CSMD1: variants seen among roughly 807,000 people sequenced by gnomAD.
CSMD1 encodes the protein CUB and Sushi multiple domains 1.
CSMD1 carries 213 observed loss-of-function variants against 417.5 expected under a neutral mutation model. That is an observed-to-expected ratio of 0.51 (90% CI 0.46 to 0.57). The LOEUF is 0.57. CSMD1 is among the 20% of genes least tolerant of loss of function. The probability of loss-of-function intolerance (pLI) is 0.00; values close to 1 mark genes in which losing one functional copy is unlikely to be tolerated. For synonymous variants in CSMD1, 2,862 were observed against 1,736.8 expected, an observed-to-expected ratio of 1.65 and a Z score of -16.11; for missense variants, 6,923 against 4,529.7, an observed-to-expected ratio of 1.53 and a Z score of -15.17.
chr8:4,441,638 T>G (rs781578022), intron 2 of CSMD1, among the ~76,000 whole-genome samples: 2 of 152,176 alleles, frequency 1.3e-5, no homozygotes, highest in Non-Finnish European at 1.5e-5. Context: ...GTATTTAATT[T>G]TATTTCACAG....
intron 1 of CSMD1, among the ~76,000 whole-genome samples, chr8:4,962,229 G>C (rs1285422769): frequency 6.6e-6 from 1 of 150,778 alleles, no homozygotes; most frequent in East Asian, 2.0e-4. Context: ...ATATTTGTTG[G>C]AGACAGAGAC....
intron 25 of CSMD1, among the ~76,000 whole-genome samples, chr8:3,292,338 T>G (rs1803641389): frequency 6.6e-6 from 1 of 152,156 alleles, no homozygotes; most frequent in Non-Finnish European, 1.5e-5. Context: ...AGATGTCTAT[T>G]AGGTCCGCTT....
intron 10 of CSMD1, among the ~76,000 whole-genome samples, chr8:3,536,635 C>T (rs969592425): frequency 6.6e-6 from 1 of 152,162 alleles, no homozygotes; most frequent in East Asian, 1.9e-4. Context: ...GAAGTGTGAG[C>T]TGTCACTACC....
intron 1 of CSMD1, among the ~76,000 whole-genome samples, chr8:4,936,957 C>A (rs1447479668): frequency 6.6e-6 from 1 of 152,118 alleles, no homozygotes; most frequent in Non-Finnish European, 1.5e-5. Flanking sequence ...ATACCTATAA[C>A]CCTAGCACCT....
At chr8:3,785,626 T>G (rs1799416238) in intron 5 of CSMD1, among the ~76,000 whole-genome samples, 1 of 152,234 alleles carries the variant, frequency 6.6e-6, no homozygotes, top group Non-Finnish European at 1.5e-5. Context: ...AGAAGCAAGT[T>G]ACCATCGAGT....
intron 3 of CSMD1, among the ~76,000 whole-genome samples, chr8:4,102,681 C>G (rs1179843143): frequency 6.6e-6 from 1 of 152,176 alleles, no homozygotes; most frequent in Non-Finnish European, 1.5e-5. Context: ...ATATTCAGGA[C>G]ATTTACTGAT....
chr8:4,177,173 G>A (rs886724292), intron 3 of CSMD1, among the ~76,000 whole-genome samples: 1 of 152,018 alleles, frequency 6.6e-6, no homozygotes, highest in Non-Finnish European at 1.5e-5. Flanking sequence ...TGACCACATA[G>A]CTGGAAGTAA....
intron 1 of CSMD1, among the ~76,000 whole-genome samples, chr8:4,676,492 T>G (rs939468231): frequency 1.3e-5 from 2 of 152,162 alleles, no homozygotes; most frequent in Admixed American, 6.6e-5. Context: ...TCACAGGTCC[T>G]GCTAATTTTG....
intron 28 of CSMD1, 85 bp downstream of exon 28, chr8:3,223,644 G>C (rs1018111282): frequency 1.4e-5 from 19 of 1,377,598 alleles, no homozygotes; most frequent in East Asian, 2.3e-5. Context: ...TATAACATTA[G>C]AGACTATGAG....
At chr8:3,237,575 T>C (rs888676209) in intron 26 of CSMD1, among the ~76,000 whole-genome samples, 15 of 103,876 alleles carry the variant, frequency 1.4e-4, no homozygotes, top group African/African-American at 4.7e-4. Flanking sequence ...ATAAATATAA[T>C]TTTTATACTT....
chr8:3,096,900 C>A lies in CSMD1; in HGVS notation c.7087G>T (p.Val2363Leu), dbSNP rs755529731. Reference sequence around the variant, plus strand: ...TGCTTTTCACTTTGAAATGTGTCCACAAAGATGGTAATGTTGTAGTTTGGT... The same window carrying A: ...TGCTTTTCACTTTGAAATGTGTCCAAAAAGATGGTAATGTTGTAGTTTGGT... ...VEPNYNITIF[V>L]DTFQSEKQFD... is the part of the protein sequence containing the mutation. The change falls in exon 47 of 70, where the codon GTG (valine) becomes TTG (leucine). Residue 2363 changes from valine (V) to leucine (L), a missense_variant. Val to Leu is a conservative substitution (Grantham distance 32). Transcript: ENST00000635120. 2.6e-6 allele frequency: 4 copies of A among 1,557,434 alleles called. No homozygotes were observed. The East Asian group carries it at 7.2e-5, about 28-fold the overall frequency.
At chr8:3,827,200 A>G (rs1225974920) in intron 5 of CSMD1, among the ~76,000 whole-genome samples, 2 of 152,218 alleles carry the variant, frequency 1.3e-5, no homozygotes, top group African/African-American at 4.8e-5. Context: ...ATTCTCCCAA[A>G]GAGTAGGGAC....
At chr8:4,125,340 CTGTT>C (rs1563155652) in intron 3 of CSMD1, among the ~76,000 whole-genome samples, 4 of 152,204 alleles carry the variant, frequency 2.6e-5, no homozygotes, top group South Asian at 4.1e-4. Context: ...AAGAGCGCAA[CTGTT>C]TGTCTCTCAC....
At chr8:3,291,276 C>T (rs927584134) in intron 25 of CSMD1, among the ~76,000 whole-genome samples, 2 of 152,118 alleles carry the variant, frequency 1.3e-5, no homozygotes, top group Admixed American at 6.6e-5. Context: ...GGATATTGGT[C>T]TAAAATTCTC....
At chr8:3,642,613 G>T (rs1265455048) in intron 7 of CSMD1, among the ~76,000 whole-genome samples, 1 of 152,278 alleles carries the variant, frequency 6.6e-6, no homozygotes, top group East Asian at 1.9e-4. Context: ...AGAAAACCTG[G>T]CATCGTGAGT....
intron 2 of CSMD1, among the ~76,000 whole-genome samples, chr8:4,461,738 CTTA>C (rs1251644462): frequency 1.2e-5 from 1 of 83,854 alleles, no homozygotes; most frequent in East Asian, 3.8e-4. Flanking sequence ...TATTTATTTA[CTTA>C]TTTTTTTTTT....
At chr8:4,743,448 G>A (rs193175308) in intron 1 of CSMD1, among the ~76,000 whole-genome samples, 24 of 152,274 alleles carry the variant, frequency 1.6e-4, no homozygotes, top group African/African-American at 4.8e-4. Context: ...AGAATGAGCA[G>A]AGTAGAGCGC....
At chr8:3,165,286 G>T (rs1820136328) in intron 37 of CSMD1, among the ~76,000 whole-genome samples, 1 of 152,040 alleles carries the variant, frequency 6.6e-6, no homozygotes, top group Non-Finnish European at 1.5e-5. Context: ...GTGACAAAGT[G>T]CATAAGCGAT....
intron 1 of CSMD1, among the ~76,000 whole-genome samples, chr8:4,713,155 G>C (rs145293463): frequency 4.6e-5 from 7 of 152,264 alleles, no homozygotes; most frequent in Non-Finnish European, 7.4e-5. Flanking sequence ...AAATGCAAAT[G>C]TGTTCCCCGG....
Sources: gnomAD v4.1 joint callset for allele counts (sites outside exome capture counted in the v4.1 genomes callset) on GRCh38, gnomAD v4.1.1 for gene constraint, MANE v1.5 for transcripts, NCBI Gene and HGNC (gene_info 2026-07-23, HGNC 2026-07-21) for gene names.